SLAMF1: variants seen among roughly 807,000 people sequenced by gnomAD.
SLAMF1 encodes the protein signaling lymphocytic activation molecule.
A neutral mutation model predicts 35.1 loss-of-function variants in SLAMF1; 18 were observed. The observed-to-expected ratio is 0.51, with a 90% CI of 0.35 to 0.76. The LOEUF (loss-of-function observed/expected upper bound fraction) is 0.76. SLAMF1 is among the 30% of genes least tolerant of loss of function. The probability of loss-of-function intolerance (pLI) is 0.01; values close to 1 mark genes in which losing one functional copy is unlikely to be tolerated. For missense variants in SLAMF1, 392 were observed against 413.0 expected (o/e 0.95, Z 0.44); for synonymous variants, 168 against 157.2 (o/e 1.07, Z -0.51).
intron 5 of SLAMF1, among the ~76,000 whole-genome samples, chr1:160,614,781 T>C (rs1659202774): frequency 6.6e-6 from 1 of 152,210 alleles, no homozygotes; most frequent in Non-Finnish European, 1.5e-5. Flanking sequence ...TGTGTGTGCT[T>C]AAATGTTCAC....
At chr1:160,640,325 C>CATATATATATATATATAT (rs56785818) in intron 1 of SLAMF1, among the ~76,000 whole-genome samples, 38 of 94,120 alleles carry the variant, frequency 4.0e-4, no homozygotes, top group Non-Finnish European at 4.8e-4. Flanking sequence ...TTAGGTTTGT[C>CATATATATATATATATAT]ATATATATAT....
intron 5 of SLAMF1, among the ~76,000 whole-genome samples, chr1:160,616,254 T>A (rs749752077): frequency 1.3e-5 from 2 of 152,144 alleles, no homozygotes; most frequent in African/African-American, 2.4e-5. Flanking sequence ...GGCTTGTGAT[T>A]AAAGAAGAGT....
At chr1:160,641,901 T>G (rs554381661) in intron 1 of SLAMF1, among the ~76,000 whole-genome samples, 8 of 152,332 alleles carry the variant, frequency 5.3e-5, no homozygotes, top group African/African-American at 1.9e-4. Context: ...CCTTCATGGG[T>G]AATTCTACTT....
At chr1:160,621,675 T>C (rs2102292145) in intron 4 of SLAMF1, among the ~76,000 whole-genome samples, 1 of 151,690 alleles carries the variant, frequency 6.6e-6, no homozygotes, top group South Asian at 2.1e-4. Flanking sequence ...TGGTGGAATG[T>C]GCTGCGTGAG....
chr1:160,610,141 G>A lies in SLAMF1; in HGVS notation c.*607C>T, dbSNP rs1658902835. 1 of 340,106 alleles carries A rather than the reference G, an allele frequency of 2.9e-6. No individual in the cohort carries two copies. The highest frequency in any genetic ancestry group is 5.8e-6 in the Non-Finnish European group (1 of 172,448). 21.1% of individuals were successfully genotyped at this position (340,106 alleles called of 1,614,324 possible). ...CTGTTTATTGACTTTTTAGCTTCTG[G>A]GTTTTGCAAATAAAATAATATTCTT... is the stretch of plus-strand genomic sequence containing the variant. On this transcript the variant is annotated 3_prime_UTR_variant, in exon 7 of 7. Coordinates refer to ENST00000302035, the MANE Select transcript of SLAMF1 (RefSeq NM_003037.5).
In SLAMF1 at chr1:160,608,141, C is replaced by A. The variant is rs1018381726; in HGVS notation, c.*2607G>T. ...GGACTGGCTGTAATTTATTCATTTC[C>A]AAAAAGTAGAAACATAAACTTCAGA... On this transcript the variant is annotated 3_prime_UTR_variant, in exon 7 of 7. Coordinates refer to ENST00000302035, the MANE Select transcript of SLAMF1 (RefSeq NM_003037.5). 6.6e-6 allele frequency: 1 copy of A among 152,094 alleles called. No homozygotes were observed. The highest frequency in any genetic ancestry group is 1.9e-4 in the East Asian group (1 of 5,196). 9.4% of individuals were successfully genotyped at this position (152,094 alleles called of 1,614,324 possible).
intron 6 of SLAMF1, among the ~76,000 whole-genome samples, chr1:160,611,484 G>T (rs953465968): frequency 1.3e-5 from 2 of 152,210 alleles, no homozygotes; most frequent in Non-Finnish European, 2.9e-5. Flanking sequence ...TAGGGCACCT[G>T]CCCAGGCATT....
Position 160,642,783 on chromosome 1 carries a change from C to A in SLAMF1, c.76+4087G>T, listed in dbSNP as rs1459255159. Among the ~76,000 whole-genome samples the A allele has an allele frequency of 6.6e-6, 1 of 152,108 alleles. No homozygotes were observed. The highest frequency in any genetic ancestry group is 1.5e-5 in the Non-Finnish European group (1 of 68,024). ...TTGCCAGCTGAGGACATGGAAGTGC[C>A]TTAAATATAAACCCTAGGTTTCAGG... On this transcript the variant is annotated intron_variant, in intron 1 of 6. Transcript: ENST00000302035. This position sits in a 1 kb window ranked among gnomAD's most constrained non-coding sequence, Gnocchi z 4.2.
intron 3 of SLAMF1, among the ~76,000 whole-genome samples, chr1:160,633,112 A>G (rs1429279986): frequency 6.6e-6 from 1 of 152,198 alleles, no homozygotes; most frequent in African/African-American, 2.4e-5. Flanking sequence ...AAAGGGCAGC[A>G]TTGGCTCTAG....
chr1:160,635,663 C>T (rs1660413697), intron 2 of SLAMF1, among the ~76,000 whole-genome samples: 1 of 151,530 alleles, frequency 6.6e-6, no homozygotes, highest in Admixed American at 6.6e-5. Context: ...GCTCCACCTC[C>T]TGGGTTCACG....
chr1:160,624,366 C>T (rs1266781122), intron 3 of SLAMF1, among the ~76,000 whole-genome samples, 181 bp from the exon 4 acceptor site: 1 of 152,104 alleles, frequency 6.6e-6, no homozygotes, highest in Non-Finnish European at 1.5e-5. Context: ...TATCTGTTTT[C>T]TTATTCTAAT....
At chr1:160,624,280 T>C in intron 3 of SLAMF1, 95 bp from the exon 4 acceptor site, 1 of 884,878 alleles carries the variant, frequency 1.1e-6, no homozygotes, top group Non-Finnish European at 1.8e-6. Context: ...TCATGTTCTA[T>C]TTCTGCATTC....
At chr1:160,623,050 G>A (rs1025002689) in intron 4 of SLAMF1, among the ~76,000 whole-genome samples, 4 of 152,160 alleles carry the variant, frequency 2.6e-5, no homozygotes, top group Non-Finnish European at 5.9e-5. Flanking sequence ...GGAAGGTAGT[G>A]GGGAATTGTG....
At position 160,629,533 on chromosome 1, in the gene SLAMF1, TTTCCA is replaced by T. The variant is rs1660060986; in HGVS notation, c.700+5075_700+5079del. ...AGAGATACATTCTTGTTCGTGGCAG[TTTCCA>T]TTCAGAACTGGGGGTGGGGAAGGAT... is the stretch of plus-strand genomic sequence containing the variant. On this transcript the variant is annotated intron_variant, in intron 3 of 6. Coordinates refer to ENST00000302035, the MANE Select transcript of SLAMF1 (RefSeq NM_003037.5). Among the ~76,000 whole-genome samples the T allele has an allele frequency of 2.0e-5, 3 of 152,234 alleles. No individual in the cohort carries two copies. In the South Asian group the frequency reaches 6.2e-4, roughly 32 times the overall value.
intron 3 of SLAMF1, among the ~76,000 whole-genome samples, chr1:160,630,461 G>A (rs1324440884): frequency 6.6e-6 from 1 of 152,120 alleles, no homozygotes; most frequent in African/African-American, 2.4e-5. Context: ...ACCATTAACC[G>A]CTGTGAGGTT....
chr1:160,634,486 C>G, intron 3 of SLAMF1, 127 bp downstream of exon 3: 2 of 1,414,190 alleles, frequency 1.4e-6, no homozygotes, highest in Non-Finnish European at 1.9e-6. Context: ...TAAACTTTTG[C>G]AAACTATAAA....
Position 160,610,908 on chromosome 1 carries a change from T to C in SLAMF1, c.958-110A>G, listed in dbSNP as rs1409534602. 1.6e-5 allele frequency: 14 copies of C among 864,478 alleles called. No homozygotes were observed. The African/African-American group carries it at 1.8e-4, about 11-fold the overall frequency. The allele number at this position is 864,478 out of a possible 1,614,324, so 53.6% of individuals were successfully genotyped here. On this transcript the variant is annotated intron_variant, in intron 6 of 6. Transcript: ENST00000302035. ...AGGAAAGGGTCTTAGAGATCATGGCTTGTGCAGGGTCTGTCACAGACAGGG... is the reference window on the plus strand; with the variant it reads ...AGGAAAGGGTCTTAGAGATCATGGCCTGTGCAGGGTCTGTCACAGACAGGG...
intron 3 of SLAMF1, among the ~76,000 whole-genome samples, chr1:160,626,380 G>A (rs528904450): frequency 6.6e-6 from 1 of 152,080 alleles, no homozygotes; most frequent in African/African-American, 2.4e-5. Context: ...TCTTTTCTAG[G>A]GTCTCTAGAG....
At chr1:160,627,467 T>A (rs1429797689) in intron 3 of SLAMF1, among the ~76,000 whole-genome samples, 1 of 151,988 alleles carries the variant, frequency 6.6e-6, no homozygotes. Context: ...TCCAAAGGAG[T>A]CTCTTCACCA....
Sources: gnomAD v4.1 joint callset for allele counts (sites outside exome capture counted in the v4.1 genomes callset) on GRCh38, gnomAD v4.1.1 for gene constraint, Gnocchi (gnomAD v3.1) non-coding constraint, MANE v1.5 for transcripts, NCBI Gene and HGNC (gene_info 2026-07-23, HGNC 2026-07-21) for gene names.